The following NOS1AP variants were observed in gnomAD, a reference collection of about 807,000 sequenced individuals.
NOS1AP encodes the protein nitric oxide synthase 1 adaptor protein.
A neutral mutation model predicts 56.2 loss-of-function variants in NOS1AP; 21 were observed. The observed-to-expected ratio is 0.37, with a 90% confidence interval of 0.26 to 0.54. The LOEUF (loss-of-function observed/expected upper bound fraction) is 0.54. Ranked by LOEUF, NOS1AP falls within the 20% of genes least tolerant of loss-of-function variation. The probability of loss-of-function intolerance (pLI) is 0.84; values close to 1 mark genes in which losing one functional copy is unlikely to be tolerated. For synonymous variants in NOS1AP, 270 were observed against 274.6 expected (o/e 0.98, Z 0.17); for missense variants, 522 against 657.8 (o/e 0.79, Z 2.26).
intron 2 of NOS1AP, among the ~76,000 whole-genome samples, chr1:162,286,017 A>G (rs1050435572): frequency 1.3e-5 from 2 of 152,222 alleles, no homozygotes; most frequent in South Asian, 2.1e-4. Context: ...AGAAGTATCA[A>G]CAATAACTCT....
At chr1:162,179,063 T>A (rs1231894428) in intron 2 of NOS1AP, among the ~76,000 whole-genome samples, 1 of 152,192 alleles carries the variant, frequency 6.6e-6, no homozygotes, top group Non-Finnish European at 1.5e-5. Flanking sequence ...ATAACAGTTT[T>A]GTCATTAGCT....
intron 2 of NOS1AP, among the ~76,000 whole-genome samples, chr1:162,267,116 G>T (rs60788073): frequency 0.017 from 2,620 of 152,182 alleles, 87 homozygotes; most frequent in East Asian, 0.14. Context: ...TTTGATTTTT[G>T]ACACTGCCAA....
intron 4 of NOS1AP, among the ~76,000 whole-genome samples, chr1:162,328,695 G>A (rs1262387861): frequency 6.6e-6 from 1 of 152,218 alleles, no homozygotes; most frequent in Non-Finnish European, 1.5e-5. Flanking sequence ...TGAAATCCAG[G>A]TCTGTCCCCC....
intron 2 of NOS1AP, among the ~76,000 whole-genome samples, chr1:162,245,172 T>TA (rs1571157179): frequency 6.6e-6 from 1 of 152,032 alleles, no homozygotes; most frequent in Non-Finnish European, 1.5e-5. Flanking sequence ...ATAAAGAACT[T>TA]AAAAAAATTA....
At chr1:162,160,121 G>C (rs1650140120) in intron 2 of NOS1AP, among the ~76,000 whole-genome samples, 1 of 152,190 alleles carries the variant, frequency 6.6e-6, no homozygotes, top group Non-Finnish European at 1.5e-5. Context: ...ACACTCAGGG[G>C]TATCTGGTCT....
intron 1 of NOS1AP, among the ~76,000 whole-genome samples, chr1:162,088,800 C>T (rs529656884): frequency 6.6e-6 from 1 of 152,294 alleles, no homozygotes; most frequent in East Asian, 1.9e-4. Context: ...TTTGGCTGGA[C>T]ACTGCTAGCT....
At chr1:162,329,002 G>A (rs1273264972) in intron 4 of NOS1AP, among the ~76,000 whole-genome samples, 1 of 139,042 alleles carries the variant, frequency 7.2e-6, no homozygotes, top group Non-Finnish European at 1.5e-5. Context: ...TTTGAGAAGG[G>A]GGGTATTGGT....
In NOS1AP at chr1:162,356,954, C is replaced by T. The variant is rs771736902; in HGVS notation, c.763-6C>T. The T allele has an allele frequency of 1.9e-6, 3 of 1,614,074 alleles. No individual in the cohort carries two copies. Among genetic ancestry groups the T allele is most frequent in the East Asian group, 2.2e-5 (1 of 44,870 alleles). On this transcript the variant is annotated splice_polypyrimidine_tract_variant and splice_region_variant and intron_variant, in intron 7 of 9. Transcript: ENST00000361897. ...TGTCATGTCCTGTCTTCTCCTTCTC[C>T]TCCAGGTTTCGCACCCCCAGGAGCC...
At chr1:162,089,652 C>T (rs1243742672) in intron 1 of NOS1AP, among the ~76,000 whole-genome samples, 1 of 152,034 alleles carries the variant, frequency 6.6e-6, no homozygotes, top group Non-Finnish European at 1.5e-5. Context: ...TAAATATAGT[C>T]ACAGTTGTCC....
In NOS1AP at chr1:162,143,449, T is replaced by G. The variant is rs72713902; in HGVS notation, c.106-10956T>G. Among the ~76,000 whole-genome samples the G allele has an allele frequency of 8.5e-3, 1,297 of 152,292 alleles. 11 individuals are homozygous for G. The highest frequency in any genetic ancestry group is 0.022 in the South Asian group (107 of 4,818). ...TAATACAAAGAATATTATCTCCTTA[T>G]GATTTTATAATATTTTCTAAACTAT... On this transcript the variant is annotated intron_variant, in intron 1 of 9. Transcript: ENST00000361897.
intron 2 of NOS1AP, among the ~76,000 whole-genome samples, chr1:162,251,626 GT>G: frequency 6.6e-6 from 1 of 151,488 alleles, no homozygotes; most frequent in Non-Finnish European, 1.5e-5. Context: ...GTGTGTGTGT[GT>G]GTGTGTCTGT....
At chr1:162,081,774 A>ATATTTATTTTTTTTTTTTTTT in intron 1 of NOS1AP, among the ~76,000 whole-genome samples, 1 of 44,056 alleles carries the variant, frequency 2.3e-5, no homozygotes, top group Non-Finnish European at 4.6e-5. Context: ...ATATATATAT[A>ATATTTATTTTTTTTTTTTTTT]TTTTTTTTTT....
chr1:162,159,115 T>C (rs1650091267), intron 2 of NOS1AP, among the ~76,000 whole-genome samples: 1 of 152,174 alleles, frequency 6.6e-6, no homozygotes, highest in African/African-American at 2.4e-5. Context: ...ACTGTGTGAA[T>C]AGGTGAGTCC....
At chr1:162,364,067 G>A (rs1334274438) in intron 8 of NOS1AP, 1 of 985,282 alleles carries the variant, frequency 1.0e-6, no homozygotes, top group African/African-American at 1.7e-5. Flanking sequence ...ACTTGGCCAA[G>A]GGTGGCCAAC....
At chr1:162,073,735 C>G (rs1042821841) in intron 1 of NOS1AP, among the ~76,000 whole-genome samples, 1 of 152,250 alleles carries the variant, frequency 6.6e-6, no homozygotes, top group African/African-American at 2.4e-5. Context: ...GTTGGGATTA[C>G]AGGCGTGAAC....
At chr1:162,235,199 A>G (rs147581549) in intron 2 of NOS1AP, among the ~76,000 whole-genome samples, 205 of 152,278 alleles carry the variant, frequency 1.3e-3, no homozygotes, top group African/African-American at 4.7e-3. Flanking sequence ...TGATTCTGAA[A>G]GCTTTTCCCC....
intron 5 of NOS1AP, among the ~76,000 whole-genome samples, chr1:162,342,909 C>T: frequency 6.6e-6 from 1 of 152,202 alleles, no homozygotes; most frequent in Non-Finnish European, 1.5e-5. Flanking sequence ...GCTTGAGGCC[C>T]ACTGAGGTAA....
chr1:162,231,994 A>C (rs1653139036), intron 2 of NOS1AP, among the ~76,000 whole-genome samples: 1 of 152,210 alleles, frequency 6.6e-6, no homozygotes, highest in African/African-American at 2.4e-5. Flanking sequence ...GTATTTTCAA[A>C]GTTGGTTTAA....
chr1:162,349,142 G>A (rs572197536), intron 6 of NOS1AP, among the ~76,000 whole-genome samples: 5 of 151,242 alleles, frequency 3.3e-5, no homozygotes. Context: ...AGCCGAGATC[G>A]CACCATTACA....
Sources: gnomAD v4.1 joint callset for allele counts (sites outside exome capture counted in the v4.1 genomes callset) on GRCh38, gnomAD v4.1.1 for gene constraint, MANE v1.5 for transcripts, NCBI Gene and HGNC (gene_info 2026-07-23, HGNC 2026-07-21) for gene names.